The following ZNF804B variants were observed in gnomAD, a reference collection of about 807,000 sequenced individuals.
The protein encoded by ZNF804B is zinc finger protein 804B.
Under a neutral mutation model 101.4 loss-of-function variants are expected in ZNF804B, and 80 were observed. The observed-to-expected ratio is 0.79, with a 90% CI of 0.66 to 0.95. The LOEUF (loss-of-function observed/expected upper bound fraction) is 0.95. Ranked by LOEUF, ZNF804B falls within the 40% of genes least tolerant of loss-of-function variation. ZNF804B has a pLI of 0.00. For synonymous variants in ZNF804B, 622 were observed against 558.8 expected, an observed-to-expected ratio of 1.11 and a Z score of -1.59; for missense variants, 1,673 against 1,561.9, an observed-to-expected ratio of 1.07 and a Z score of -1.20.
intron 1 of ZNF804B, among the ~76,000 whole-genome samples, chr7:88,989,427 G>C (rs1793811391): frequency 6.6e-6 from 1 of 152,088 alleles, no homozygotes; most frequent in Non-Finnish European, 1.5e-5. Flanking sequence ...TTGCATCATA[G>C]TGCTTGTCCA....
At position 89,315,664 on chromosome 7, in the gene ZNF804B, T is replaced by C. The variant is rs921129459; in HGVS notation, c.250-11680T>C. Among the ~76,000 whole-genome samples the C allele has an allele frequency of 2.6e-5, 4 of 152,068 alleles. No homozygotes were observed. The East Asian group carries it at 7.7e-4, about 29-fold the overall frequency. ...TTTGTCATCTTGATGGTGAAAACAGTCTCATCATCCTTTTAAATGAGTCAC... is the reference window on the plus strand; with the variant it reads ...TTTGTCATCTTGATGGTGAAAACAGCCTCATCATCCTTTTAAATGAGTCAC... On this transcript the variant is annotated intron_variant, in intron 2 of 3. Transcript: ENST00000333190.
intron 1 of ZNF804B, among the ~76,000 whole-genome samples, chr7:89,124,627 T>TGAAG (rs1459984117): frequency 6.6e-6 from 1 of 152,062 alleles, no homozygotes. Flanking sequence ...AAAACTTAGA[T>TGAAG]GAAGAGAAAA....
intron 2 of ZNF804B, among the ~76,000 whole-genome samples, chr7:89,256,769 T>G (rs746948723): frequency 8.5e-5 from 13 of 152,092 alleles, no homozygotes; most frequent in Non-Finnish European, 1.8e-4. Context: ...GAAAGTTAAG[T>G]GAGTGTTTTC....
At chr7:88,969,741 T>C (rs1003151930) in intron 1 of ZNF804B, among the ~76,000 whole-genome samples, 9 of 151,678 alleles carry the variant, frequency 5.9e-5, no homozygotes, top group Non-Finnish European at 1.2e-4. Flanking sequence ...GCTATATACA[T>C]GATTGCTTAG....
At chr7:88,926,053 A>G (rs143624776) in intron 1 of ZNF804B, among the ~76,000 whole-genome samples, 39 of 152,262 alleles carry the variant, frequency 2.6e-4, no homozygotes, top group African/African-American at 8.4e-4. Flanking sequence ...AATGTAAAAC[A>G]GAAATCTTGT....
chr7:89,160,761 C>G (rs971478222), intron 1 of ZNF804B, among the ~76,000 whole-genome samples: 1 of 152,126 alleles, frequency 6.6e-6, no homozygotes, highest in African/African-American at 2.4e-5. Flanking sequence ...TCTATAACTA[C>G]TAATCTGGCT....
intron 1 of ZNF804B, among the ~76,000 whole-genome samples, chr7:88,954,648 G>A (rs1320085318): frequency 6.6e-6 from 1 of 151,262 alleles, no homozygotes; most frequent in Non-Finnish European, 1.5e-5. Context: ...AAATGTCCAA[G>A]TAAAAAAGGG....
At chr7:89,128,410 G>A (rs991727403) in intron 1 of ZNF804B, among the ~76,000 whole-genome samples, 1 of 151,892 alleles carries the variant, frequency 6.6e-6, no homozygotes, top group Non-Finnish European at 1.5e-5. Flanking sequence ...AGAATTTTAT[G>A]TGCCAATTTA....
At chr7:89,003,880 G>T (rs1400266970) in intron 1 of ZNF804B, among the ~76,000 whole-genome samples, 1 of 151,886 alleles carries the variant, frequency 6.6e-6, no homozygotes, top group Non-Finnish European at 1.5e-5. Context: ...TGTCAATTAT[G>T]TTTAAAAGTG....
At chr7:89,237,835 T>A (rs1789308262) in intron 2 of ZNF804B, among the ~76,000 whole-genome samples, 1 of 152,172 alleles carries the variant, frequency 6.6e-6, no homozygotes, top group Non-Finnish European at 1.5e-5. Flanking sequence ...ATACAATTGC[T>A]TTATTCCAGA....
At chr7:89,209,535 A>G (rs1252970155) in intron 1 of ZNF804B, among the ~76,000 whole-genome samples, 2 of 152,232 alleles carry the variant, frequency 1.3e-5, no homozygotes, top group African/African-American at 2.4e-5. Context: ...GCCACTCTCC[A>G]TTACTTTAGG....
chr7:89,237,650 G>A (rs1443431037), intron 2 of ZNF804B, among the ~76,000 whole-genome samples: 1 of 152,196 alleles, frequency 6.6e-6, no homozygotes, highest in Non-Finnish European at 1.5e-5. Flanking sequence ...TGGCTTCCAA[G>A]CCTGAGTCAG....
intron 2 of ZNF804B, among the ~76,000 whole-genome samples, chr7:89,252,084 A>T (rs1373524512): frequency 6.7e-6 from 1 of 150,374 alleles, no homozygotes. Context: ...GAGCTTCTGC[A>T]CAGCAAAAGA....
chr7:89,058,797 G>A (rs1029498426), intron 1 of ZNF804B, among the ~76,000 whole-genome samples: 1 of 152,126 alleles, frequency 6.6e-6, no homozygotes, highest in South Asian at 2.1e-4. Context: ...AGGCTCAGGT[G>A]ATCCTCCCAC....
intron 1 of ZNF804B, among the ~76,000 whole-genome samples, chr7:88,855,461 T>C (rs1791539862): frequency 6.6e-6 from 1 of 152,058 alleles, no homozygotes; most frequent in Admixed American, 6.6e-5. Flanking sequence ...GTTTGTTTTT[T>C]TCTTGTAAAT....
chr7:89,141,769 A>G (rs1211682361), intron 1 of ZNF804B, among the ~76,000 whole-genome samples: 1 of 151,968 alleles, frequency 6.6e-6, no homozygotes, highest in Non-Finnish European at 1.5e-5. Flanking sequence ...AGTGCCAAAA[A>G]CAATATATGG....
chr7:89,075,730 A>G lies in ZNF804B; in HGVS notation c.109-142425A>G, dbSNP rs553477229. Reference sequence around the variant, plus strand: ...GACCCCAGAATGGTAGATAACACTGACAGTTTGTACCATGTGCCTGGAAAA... The same window carrying G: ...GACCCCAGAATGGTAGATAACACTGGCAGTTTGTACCATGTGCCTGGAAAA... On this transcript the variant is annotated intron_variant, in intron 1 of 3. Coordinates refer to ENST00000333190, the MANE Select transcript of ZNF804B (RefSeq NM_181646.5). 1.7e-4 allele frequency among the ~76,000 whole-genome samples: 26 copies of G among 152,280 alleles called. 2 individuals are homozygous for G. The highest frequency in any genetic ancestry group is 6.0e-4 in the African/African-American group (25 of 41,554).
intron 1 of ZNF804B, among the ~76,000 whole-genome samples, chr7:88,966,927 C>T (rs1395116800): frequency 6.6e-6 from 1 of 151,096 alleles, no homozygotes; most frequent in East Asian, 2.0e-4. Context: ...TTGCACTTCA[C>T]AGGAGCCTGA....
intron 2 of ZNF804B, among the ~76,000 whole-genome samples, chr7:89,305,548 G>T (rs1453794472): frequency 6.6e-6 from 1 of 151,834 alleles, no homozygotes. Context: ...GTTGTTGTTT[G>T]TAGCATGTCT....
Sources: gnomAD v4.1 joint callset for allele counts (sites outside exome capture counted in the v4.1 genomes callset) on GRCh38, gnomAD v4.1.1 for gene constraint, MANE v1.5 for transcripts, NCBI Gene and HGNC (gene_info 2026-07-23, HGNC 2026-07-21) for gene names.